COLGALT2: variants seen among roughly 807,000 people sequenced by gnomAD.
COLGALT2 encodes procollagen galactosyltransferase 2.
Under a neutral mutation model 73.4 loss-of-function variants are expected in COLGALT2, and 49 were observed. The ratio of observed to expected loss-of-function variants is 0.67; its 90% CI spans 0.53 to 0.85. The LOEUF is 0.85. Among genes scored for constraint, COLGALT2 ranks in the 40% least tolerant of loss-of-function variants. COLGALT2 has a pLI of 0.00. For synonymous variants in COLGALT2, 295 were observed against 307.6 expected (o/e 0.96, Z 0.43); for missense variants, 722 against 790.2 (o/e 0.91, Z 1.03).
chr1:183,995,274 AAAC>A, intron 1 of COLGALT2, among the ~76,000 whole-genome samples: 1 of 152,236 alleles, frequency 6.6e-6, no homozygotes, highest in Non-Finnish European at 1.5e-5. Flanking sequence ...AAAATCTCCC[AAAC>A]AACCAAACAT....
chr1:183,982,249 G>C (rs1671373546), intron 1 of COLGALT2, among the ~76,000 whole-genome samples: 1 of 152,150 alleles, frequency 6.6e-6, no homozygotes, highest in African/African-American at 2.4e-5. Context: ...AGATGGGGTA[G>C]GAGGAGCCCT....
chr1:183,973,515 T>C, intron 4 of COLGALT2, 101 bp downstream of exon 4: 1 of 1,459,572 alleles, frequency 6.9e-7, no homozygotes, highest in Non-Finnish European at 9.4e-7. Context: ...GACACGCATG[T>C]TTCAAGGGAG....
intron 1 of COLGALT2, among the ~76,000 whole-genome samples, chr1:184,005,827 C>A (rs770501743): frequency 2.0e-5 from 3 of 152,124 alleles, no homozygotes; most frequent in Admixed American, 2.0e-4. Context: ...TGCCTGAACC[C>A]CAACACAAGA....
rs150293280 is a variant in COLGALT2 at position 183,992,015 on chromosome 1, T to G, written c.264-13495A>C. 1.5e-3 allele frequency among the ~76,000 whole-genome samples: 227 copies of G among 152,278 alleles called. 2 individuals are homozygous for G. The highest frequency in any genetic ancestry group is 5.2e-3 in the African/African-American group (218 of 41,562). ...AGCATATAGATGTGTTGCTGTTGCCTTTACTACTCACTGCTCTTCTGCAGA... is the reference window on the plus strand; with the variant it reads ...AGCATATAGATGTGTTGCTGTTGCCGTTACTACTCACTGCTCTTCTGCAGA... On this transcript the variant is annotated intron_variant, in intron 1 of 11. Transcript: ENST00000361927.
intron 10 of COLGALT2, 91 bp downstream of exon 10, chr1:183,944,105 C>G (rs987975297): frequency 7.2e-7 from 1 of 1,381,394 alleles, no homozygotes; most frequent in Non-Finnish European, 9.7e-7. Flanking sequence ...TAAGCTGTAT[C>G]TCCTACTGGC....
chr1:183,972,026 C>A (rs761778715), intron 4 of COLGALT2, among the ~76,000 whole-genome samples: 2 of 152,216 alleles, frequency 1.3e-5, no homozygotes, highest in Non-Finnish European at 2.9e-5. Context: ...CAGCACACTA[C>A]TGACCTTATT....
rs184466654 is a variant in COLGALT2, at chr1:184,000,987, G to A, written c.264-22467C>T. Among the ~76,000 whole-genome samples the A allele has an allele frequency of 4.6e-5, 7 of 152,090 alleles. No homozygotes were observed. The East Asian group carries it at 7.8e-4, about 17-fold the overall frequency. ...TGGGACTACAGGCGCCCGCCACCAC[G>A]CCTGGCTAATTTTTTGTATTTCTTT... On this transcript the variant is annotated intron_variant, in intron 1 of 11. Coordinates refer to ENST00000361927, the MANE Select transcript of COLGALT2 (RefSeq NM_015101.4).
intron 1 of COLGALT2, among the ~76,000 whole-genome samples, chr1:183,992,069 TAA>T (rs1431873003): frequency 1.3e-5 from 2 of 152,068 alleles, no homozygotes; most frequent in African/African-American, 4.8e-5. Flanking sequence ...AAACCTCAGC[TAA>T]GTGCTCACTC....
chr1:183,944,077 A>G, intron 10 of COLGALT2, 119 bp downstream of exon 10: 2 of 1,198,328 alleles, frequency 1.7e-6, no homozygotes, highest in South Asian at 3.8e-5. Flanking sequence ...TGGAAAGAAA[A>G]CTAGATAAGT....
rs566038651 is a variant in COLGALT2, at chr1:184,028,383, C to G, written c.263+8712G>C. On this transcript the variant is annotated intron_variant, in intron 1 of 11. Coordinates refer to ENST00000361927, the MANE Select transcript of COLGALT2 (RefSeq NM_015101.4). ...TCCTGTCTTAGAGTTATGTCTCTCT[C>G]TTGTGAGAATGAGATACTTGCCTTC... Among the ~76,000 whole-genome samples, 6 of 152,280 alleles carry G rather than the reference C, an allele frequency of 3.9e-5. No homozygotes were observed. In the South Asian group the frequency reaches 1.2e-3, roughly 32 times the overall value.
intron 1 of COLGALT2, among the ~76,000 whole-genome samples, chr1:183,998,602 G>A (rs1341598733): frequency 2.0e-5 from 3 of 152,096 alleles, no homozygotes; most frequent in African/African-American, 7.2e-5. Context: ...CAGCATCTCA[G>A]AGTGCATGAA....
At chr1:184,034,842 T>C (rs1202558119) in intron 1 of COLGALT2, among the ~76,000 whole-genome samples, 1 of 152,252 alleles carries the variant, frequency 6.6e-6, no homozygotes, top group Non-Finnish European at 1.5e-5. Flanking sequence ...GATAATTTTA[T>C]TTCTTCACAG....
chr1:183,969,495 G>T, intron 4 of COLGALT2, 22 bp from the exon 5 acceptor site: 1 of 1,577,522 alleles, frequency 6.3e-7, no homozygotes, highest in Non-Finnish European at 8.6e-7. Context: ...CAAATAGGTG[G>T]GTTGTGTTTT....
intron 4 of COLGALT2, among the ~76,000 whole-genome samples, chr1:183,970,420 T>C (rs1671005795): frequency 6.6e-6 from 1 of 152,232 alleles, no homozygotes; most frequent in South Asian, 2.1e-4. Context: ...GAAGTTCTTA[T>C]GTGTTCATTA....
Position 183,954,804 on chromosome 1 carries a change from G to C in COLGALT2, c.987C>G (p.Val329=). 1 of 1,613,392 alleles carries C rather than the reference G, an allele frequency of 6.2e-7. No homozygotes were observed. The highest frequency in any genetic ancestry group is 8.5e-7 in the Non-Finnish European group (1 of 1,179,464). ...TGTCTGGATATTTAGGGACAACTGA[G>C]ACATACTGGGAGGGTTCCATTGGAG... ...DRPPMEPSQY[V]SVVPKYPDKM... Residue 329 remains valine (V), a synonymous_variant, in exon 7 of 12, where the codon GTC becomes GTG. Coordinates refer to ENST00000361927, the MANE Select transcript of COLGALT2 (RefSeq NM_015101.4).
intron 1 of COLGALT2, among the ~76,000 whole-genome samples, chr1:183,998,655 G>A (rs557513886): frequency 6.6e-5 from 10 of 152,062 alleles, no homozygotes; most frequent in South Asian, 2.1e-4. Flanking sequence ...TAAATTAATC[G>A]TCTGGAGAGA....
rs368658278 is a variant in COLGALT2, at chr1:183,982,380, C to A, written c.264-3860G>T. ...TCAGCAAAAGTCACATCCTTTGTGA[C>A]TCATGGCCACAAGCTACCAACGTCC... On this transcript the variant is annotated intron_variant, in intron 1 of 11. Coordinates refer to ENST00000361927, the MANE Select transcript of COLGALT2 (RefSeq NM_015101.4). 1.0e-3 allele frequency among the ~76,000 whole-genome samples: 158 copies of A among 152,226 alleles called. 3 individuals carry two copies. In the South Asian group the frequency reaches 0.032, roughly 31 times the overall value.
intron 6 of COLGALT2, among the ~76,000 whole-genome samples, chr1:183,960,235 C>G (rs935648010): frequency 6.6e-6 from 1 of 152,224 alleles, no homozygotes; most frequent in Admixed American, 6.5e-5. Flanking sequence ...CCCTCTCGAA[C>G]TTTATTTCTG....
At chr1:183,979,787 CAAGT>C (rs1671299261) in intron 1 of COLGALT2, among the ~76,000 whole-genome samples, 1 of 151,948 alleles carries the variant, frequency 6.6e-6, no homozygotes, top group East Asian at 1.9e-4. Context: ...AATGGGGAAA[CAAGT>C]AAGTATATAT....
Sources: allele counts gnomAD v4.1 joint callset (sites outside exome capture counted in the v4.1 genomes callset), GRCh38; gene constraint gnomAD v4.1.1; transcripts MANE v1.5; gene names NCBI Gene and HGNC (gene_info 2026-07-23, HGNC 2026-07-21).